Variants in CRLS1 observed in about 807,000 individuals in gnomAD.
CRLS1 encodes the protein cardiolipin synthase 1, also known as cardiolipin synthase (CMP-forming).
Under a neutral mutation model 37.0 loss-of-function variants are expected in CRLS1, and 24 were observed. The ratio of observed to expected loss-of-function variants is 0.65; its 90% confidence interval spans 0.47 to 0.91. The LOEUF (loss-of-function observed/expected upper bound fraction) is 0.91. CRLS1 is among the 40% of genes least tolerant of loss of function. The pLI, the probability that CRLS1 is intolerant of heterozygous loss-of-function variation, is 0.00. For synonymous variants in CRLS1, 135 were observed against 159.7 expected, an observed-to-expected ratio of 0.85 and a Z score of 1.17; for missense variants, 373 against 395.8, an observed-to-expected ratio of 0.94 and a Z score of 0.49.
At chr20:6,018,770 A>G (rs1978974086) in intron 3 of CRLS1, among the ~76,000 whole-genome samples, 1 of 152,138 alleles carries the variant, frequency 6.6e-6, no homozygotes, top group African/African-American at 2.4e-5. Context: ...AAATTTTATC[A>G]AACTCCTTTT....
At chr20:6,012,030 G>GT (rs11481861) in intron 2 of CRLS1, among the ~76,000 whole-genome samples, 70,139 of 147,592 alleles carry the variant, frequency 0.48, 16,780 homozygotes, top group South Asian at 0.58. Flanking sequence ...TGTCTGCTAC[G>GT]TTTTTTTTTT....
rs559511975 is a variant in CRLS1, at chr20:6,011,572, C to CTTTTTTTTTTTTTTT, written c.444+1680_444+1694dup. On this transcript the variant is annotated intron_variant, in intron 2 of 6. Transcript: ENST00000378863. The stretch of plus-strand genomic sequence containing the variant: ...TCTTTCTCCTTTTCTTTTGTCCCTG[C>CTTTTTTTTTTTTTTT]TTTTTTTTTTTTTTTTTTTTTTTTT... 2.7e-3 allele frequency among the ~76,000 whole-genome samples: 74 copies of CTTTTTTTTTTTTTTT among 27,850 alleles called. 12 individuals carry two copies. The highest frequency in any genetic ancestry group is 5.0e-3 in the East Asian group (3 of 596). 18.3% of individuals were successfully genotyped at this position (27,850 alleles called of 152,430 possible).
intron 3 of CRLS1, among the ~76,000 whole-genome samples, chr20:6,024,730 C>A (rs2122987911): frequency 6.6e-6 from 1 of 152,272 alleles, no homozygotes; most frequent in South Asian, 2.1e-4. Context: ...AGGAAAAGTT[C>A]TTGAAGGAAA....
intron 3 of CRLS1, among the ~76,000 whole-genome samples, chr20:6,029,924 C>G (rs907119553): frequency 6.6e-6 from 1 of 152,072 alleles, no homozygotes; most frequent in Non-Finnish European, 1.5e-5. Flanking sequence ...AATTTTAAAT[C>G]TGTAATTAGA....
intron 3 of CRLS1, chr20:6,016,130 C>T (rs556584456): frequency 6.5e-6 from 1 of 152,698 alleles, no homozygotes; most frequent in Non-Finnish European, 1.5e-5. Context: ...TCTGATCACA[C>T]TGGGACTTCC....
Position 6,037,073 on chromosome 20 carries a change from G to T in CRLS1, c.822-1G>T. On this transcript the variant is annotated splice_acceptor_variant, in intron 6 of 6. Transcript: ENST00000378863. LOFTEE classifies it high-confidence loss of function. ...ATTTTATTTCTTTTCTTCCATAAAA[G>T]GTGTTTTACAGCTTTCACCACAGCT... 6.2e-7 allele frequency: 1 copy of T among 1,606,234 alleles called. No homozygotes were observed. Among genetic ancestry groups the T allele is most frequent in the Non-Finnish European group, 8.5e-7 (1 of 1,174,732 alleles).
intron 1 of CRLS1, chr20:6,007,205 A>G: frequency 1.4e-6 from 2 of 1,433,704 alleles, no homozygotes; most frequent in Admixed American, 2.9e-5. Flanking sequence ...TGCAATTATT[A>G]CATCTTCAAT....
At chr20:6,034,937 G>GA (rs1254992174) in intron 6 of CRLS1, among the ~76,000 whole-genome samples, 2 of 152,206 alleles carry the variant, frequency 1.3e-5, no homozygotes, top group African/African-American at 4.8e-5. Flanking sequence ...GAGTGTAGGA[G>GA]AGAGGGTAGG....
chr20:6,026,449 A>G lies in CRLS1; in HGVS notation c.575-4836A>G, dbSNP rs186290292. Among the ~76,000 whole-genome samples the G allele has an allele frequency of 4.0e-3, 613 of 152,138 alleles. 6 individuals are homozygous for G. The highest frequency in any genetic ancestry group is 0.013 in the African/African-American group (550 of 41,486). On this transcript the variant is annotated intron_variant, in intron 3 of 6. Transcript: ENST00000378863. ...CTGAAAAATTCGTGCAACTCACTTTACTGCAGTATTAGCTTTGTTGCGGTG... is the reference window on the plus strand; with the variant it reads ...CTGAAAAATTCGTGCAACTCACTTTGCTGCAGTATTAGCTTTGTTGCGGTG...
At chr20:6,031,975 T>C in intron 4 of CRLS1, 37 bp from the exon 5 acceptor site, 2 of 1,476,678 alleles carry the variant, frequency 1.4e-6, no homozygotes, top group East Asian at 2.3e-5. Context: ...TTTTAAACAA[T>C]AAGTTAATTA....
rs778702816 is a variant in CRLS1 at position 6,031,354 on chromosome 20, G to A, written c.644G>A (p.Arg215Gln). Residue 215 changes from arginine (R) to glutamine (Q), a missense_variant, in exon 4 of 7, where the codon CGA becomes CAA. Coordinates refer to ENST00000378863, the MANE Select transcript of CRLS1 (RefSeq NM_019095.6). ...GCTGCTGTTTTTTATGTCAGATACC[G>A]AACTCTTCCAACACCAGTGAGTTTG... ...LIAAVFYVRY[R>Q]TLPTPRTLAK... 3.7e-6 allele frequency: 6 copies of A among 1,606,466 alleles called. No individual in the cohort carries two copies. The highest frequency in any genetic ancestry group is 1.6e-4 in the Middle Eastern group (1 of 6,082).
At chr20:6,015,292 A>T in intron 2 of CRLS1, 69 bp from the exon 3 acceptor site, 1 of 1,025,830 alleles carries the variant, frequency 9.7e-7, no homozygotes, top group Non-Finnish European at 1.4e-6. Flanking sequence ...GGTATATCTT[A>T]AGCTTCAGAA....
At position 6,032,049 on chromosome 20, in the gene CRLS1, C is replaced by T. The variant is rs1429888171; in HGVS notation, c.698C>T (p.Thr233Ile). ...LAKYFNPCYA[T>I]ARLKPTFISK... ...AAGTATTTCAATCCTTGCTATGCCACTGCTAGGTTAAAACCAACATTCATC... is the reference window on the plus strand; with the variant it reads ...AAGTATTTCAATCCTTGCTATGCCATTGCTAGGTTAAAACCAACATTCATC... Residue 233 changes from threonine to isoleucine, a missense_variant, in exon 5 of 7, where the codon ACT becomes ATT. Transcript: ENST00000378863. 6.2e-7 allele frequency: 1 copy of T among 1,612,928 alleles called. No individual in the cohort carries two copies.
chr20:6,026,071 G>A (rs879277582), intron 3 of CRLS1: 1 of 152,204 alleles, frequency 6.6e-6, no homozygotes, highest in Non-Finnish European at 1.5e-5. Flanking sequence ...GTTCTTCTGT[G>A]GGTAAAATGC....
At chr20:6,023,253 C>T (rs1424961555) in intron 3 of CRLS1, 1 of 152,144 alleles carries the variant, frequency 6.6e-6, no homozygotes, top group African/African-American at 2.4e-5. Flanking sequence ...GATTCTTACT[C>T]ATGGTATTTT....
chr20:6,008,131 A>C (rs1165753874), intron 1 of CRLS1, among the ~76,000 whole-genome samples: 1 of 14,322 alleles, frequency 7.0e-5, no homozygotes, highest in Non-Finnish European at 1.2e-4. Flanking sequence ...ATAGAATTTT[A>C]AAAGAATCTT....
intron 3 of CRLS1, among the ~76,000 whole-genome samples, chr20:6,022,156 T>C (rs183312667): frequency 5.9e-5 from 9 of 152,286 alleles, no homozygotes; most frequent in Admixed American, 5.9e-4. Flanking sequence ...ATTTTTAATG[T>C]AGGTGTACTG....
chr20:6,007,309 T>C (rs2090071395), intron 1 of CRLS1: 1 of 1,584,990 alleles, frequency 6.3e-7, no homozygotes, highest in African/African-American at 1.3e-5. Context: ...ACTCCACTGA[T>C]AGCTAAAGCA....
chr20:6,026,778 C>T (rs936522684), intron 3 of CRLS1, among the ~76,000 whole-genome samples: 3 of 152,108 alleles, frequency 2.0e-5, no homozygotes, highest in Non-Finnish European at 4.4e-5. Context: ...TAAATGCCTT[C>T]CCACCAGGGT....
Sources: allele counts gnomAD v4.1 joint callset (sites outside exome capture counted in the v4.1 genomes callset), GRCh38; gene constraint gnomAD v4.1.1; transcripts MANE v1.5; gene names NCBI Gene and HGNC (gene_info 2026-07-23, HGNC 2026-07-21).